ARHGAP29: variants seen among roughly 807,000 people sequenced by gnomAD.
The protein encoded by ARHGAP29 is rho GTPase-activating protein 29.
ARHGAP29 carries 43 observed loss-of-function variants against 122.6 expected under a neutral mutation model. The observed-to-expected ratio is 0.35, with a 90% confidence interval of 0.27 to 0.45. The LOEUF (loss-of-function observed/expected upper bound fraction) is 0.45, where lower values mean the gene tolerates loss of function less well. Among genes scored for constraint, ARHGAP29 ranks in the 20% least tolerant of loss-of-function variants. ARHGAP29 has a pLI of 1.00. For synonymous variants in ARHGAP29, 506 were observed against 497.1 expected (o/e 1.02, Z -0.24); for missense variants, 1,303 against 1,477.2 (o/e 0.88, Z 1.93).
chr1:94,309,077 G>C, the ARHGAP29 span, among the ~76,000 whole-genome samples: 1 of 152,200 alleles, frequency 6.6e-6, no homozygotes, highest in Non-Finnish European at 1.5e-5. Flanking sequence ...GGAGCCATTG[G>C]CTCAGGCTCT....
the ARHGAP29 span, among the ~76,000 whole-genome samples, chr1:94,310,563 A>C: frequency 1.3e-5 from 2 of 152,232 alleles, no homozygotes; most frequent in African/African-American, 4.8e-5. Flanking sequence ...AAATATGTGA[A>C]AGGCTGTGAT....
At chr1:94,268,507 T>A (rs1179367888) in intron 1 of ARHGAP29, among the ~76,000 whole-genome samples, 1 of 152,176 alleles carries the variant, frequency 6.6e-6, no homozygotes, top group Non-Finnish European at 1.5e-5. Flanking sequence ...CTTTTTATTG[T>A]TTATTGTATG....
chr1:94,192,772 A>G (rs142915710), intron 12 of ARHGAP29: 1 of 152,354 alleles, frequency 6.6e-6, no homozygotes, highest in East Asian at 1.9e-4. Context: ...AGTCACGCAG[A>G]AGCTGGAAAA....
chr1:94,289,304 G>C, the ARHGAP29 span, among the ~76,000 whole-genome samples: 1 of 152,174 alleles, frequency 6.6e-6, no homozygotes, highest in South Asian at 2.1e-4. Context: ...TGTTCTTGGT[G>C]TATAGGAATG....
rs769432957 is a variant in ARHGAP29, at chr1:94,184,188, T to C, written c.2210A>G (p.His737Arg). Residue 737 changes from histidine (H) to arginine (R), a missense_variant, in exon 19 of 23, where the codon CAT becomes CGT. Physicochemically the swap from His to Arg is conservative, Grantham distance 29. Coordinates refer to ENST00000260526, the MANE Select transcript of ARHGAP29 (RefSeq NM_004815.4). ...HLVDISEFSS[H>R]DICDVLKLYL... ...TAATTTCAAGACGTCACAGATATCA[T>C]GTGAACTAAATTCTGAAATATCTAC... 5 of 1,610,338 alleles carry C rather than the reference T, an allele frequency of 3.1e-6. No homozygotes were observed. Among genetic ancestry groups the C allele is most frequent in the Non-Finnish European group, 4.2e-6 (5 of 1,178,782 alleles).
chr1:94,260,580 A>G (rs1180650409), intron 1 of ARHGAP29, among the ~76,000 whole-genome samples: 1 of 152,186 alleles, frequency 6.6e-6, no homozygotes, highest in East Asian at 1.9e-4. Flanking sequence ...AATAGCACTA[A>G]TAGGACCTTC....
chr1:94,237,289 T>C, intron 1 of ARHGAP29, 126 bp downstream of exon 1: 1 of 629,488 alleles, frequency 1.6e-6, no homozygotes, highest in Non-Finnish European at 2.0e-6. Context: ...TGCCACCGCT[T>C]CCACTCGGGG....
At chr1:94,292,476 C>T in the ARHGAP29 span, among the ~76,000 whole-genome samples, 1 of 152,202 alleles carries the variant, frequency 6.6e-6, no homozygotes, top group Non-Finnish European at 1.5e-5. Flanking sequence ...AACTCATTCT[C>T]TGTCCATTTT....
the ARHGAP29 span, among the ~76,000 whole-genome samples, chr1:94,306,360 T>C: frequency 6.6e-6 from 1 of 152,242 alleles, no homozygotes; most frequent in South Asian, 2.1e-4. Flanking sequence ...TGCTTTATGA[T>C]ATCCATGGAT....
At chr1:94,266,016 T>C (rs1277729595) in intron 1 of ARHGAP29, among the ~76,000 whole-genome samples, 1 of 152,244 alleles carries the variant, frequency 6.6e-6, no homozygotes, top group Non-Finnish European at 1.5e-5. Flanking sequence ...GAAACATTGC[T>C]TTTGTTTCTG....
the ARHGAP29 span, chr1:94,302,020 C>G: frequency 4.7e-6 from 1 of 211,266 alleles, no homozygotes; most frequent in Admixed American, 5.0e-5. Context: ...GAGGCACCAG[C>G]TATGTCCCTG....
chr1:94,255,197 A>G (rs576144710), intron 1 of ARHGAP29, among the ~76,000 whole-genome samples: 13 of 152,316 alleles, frequency 8.5e-5, no homozygotes, highest in Non-Finnish European at 1.8e-4. Context: ...GCCCCTAGCC[A>G]ATGACAAGTG....
intron 1 of ARHGAP29, among the ~76,000 whole-genome samples, chr1:94,251,519 G>A: frequency 6.6e-6 from 1 of 152,142 alleles, no homozygotes; most frequent in Non-Finnish European, 1.5e-5. Context: ...CATGGAAATT[G>A]ACATTAACAT....
intron 5 of ARHGAP29, among the ~76,000 whole-genome samples, chr1:94,207,739 T>C (rs1651296764): frequency 1.3e-5 from 2 of 152,330 alleles, no homozygotes; most frequent in African/African-American, 4.8e-5. Flanking sequence ...ATATAACAAA[T>C]GCCTTAAATA....
At chr1:94,181,334 A>G (rs1215490018) in intron 19 of ARHGAP29, among the ~76,000 whole-genome samples, 1 of 152,184 alleles carries the variant, frequency 6.6e-6, no homozygotes, top group Non-Finnish European at 1.5e-5. Flanking sequence ...CTTCCCGAGA[A>G]GTCTCAAGGT....
At chr1:94,223,808 C>CTTTTTTTTTTTTTTTT (rs1557873492) in intron 2 of ARHGAP29, among the ~76,000 whole-genome samples, 1 of 150,510 alleles carries the variant, frequency 6.6e-6, no homozygotes, top group African/African-American at 2.4e-5. Context: ...AAAACCTTCC[C>CTTTTTTTTTTTTTTTT]TTTTTTTTTT....
chr1:94,177,569 T>G, intron 22 of ARHGAP29, 43 bp downstream of exon 22: 1 of 1,513,492 alleles, frequency 6.6e-7, no homozygotes, highest in Non-Finnish European at 9.0e-7. Context: ...ACTGGTAAAA[T>G]TTTAAGCCAG....
At chr1:94,282,816 CTTAAGCTGA>C in the ARHGAP29 span, among the ~76,000 whole-genome samples, 1 of 152,136 alleles carries the variant, frequency 6.6e-6, no homozygotes, top group Admixed American at 6.5e-5. Flanking sequence ...ATGGGCCATG[CTTAAGCTGA>C]TTAAGATGAT....
chr1:94,245,807 C>G (rs948504010), intron 1 of ARHGAP29, among the ~76,000 whole-genome samples: 1 of 152,076 alleles, frequency 6.6e-6, no homozygotes, highest in South Asian at 2.1e-4. Context: ...ATAAGTGACA[C>G]GAGAATGAAA....
Sources: gnomAD v4.1 joint callset for allele counts (sites outside exome capture counted in the v4.1 genomes callset) on GRCh38, gnomAD v4.1.1 for gene constraint, MANE v1.5 for transcripts, NCBI Gene and HGNC (gene_info 2026-07-23, HGNC 2026-07-21) for gene names.